The following CACNA2D1 variants were observed in gnomAD, a reference collection of about 807,000 sequenced individuals.
CACNA2D1 encodes calcium voltage-gated channel auxiliary subunit alpha2delta 1, also known as voltage-dependent calcium channel subunit alpha-2/delta-1.
A neutral mutation model predicts 171.5 loss-of-function variants in CACNA2D1; 53 were observed. That is an observed-to-expected ratio of 0.31 (90% CI 0.25 to 0.39). The LOEUF is 0.39. Ranked by LOEUF, CACNA2D1 falls within the 10% of genes least tolerant of loss-of-function variation. CACNA2D1 has a pLI of 1.00. For missense variants in CACNA2D1, 903 were observed against 1,299.8 expected, an observed-to-expected ratio of 0.69 and a Z score of 4.69; for synonymous variants, 442 against 443.1, an observed-to-expected ratio of 1.00 and a Z score of 0.03.
intron 21 of CACNA2D1, among the ~76,000 whole-genome samples, chr7:81,988,566 G>T (rs1017540037): frequency 1.3e-5 from 2 of 152,064 alleles, no homozygotes; most frequent in African/African-American, 4.8e-5. Context: ...TTTATTAGGA[G>T]AGAAATAGTT....
At chr7:82,220,521 T>C (rs371277257) in intron 3 of CACNA2D1, among the ~76,000 whole-genome samples, 7 of 152,322 alleles carry the variant, frequency 4.6e-5, no homozygotes, top group African/African-American at 1.7e-4. Flanking sequence ...TTATAGCTAG[T>C]ATTATTTACT....
chr7:82,075,995 TC>T (rs1808920922), intron 7 of CACNA2D1, among the ~76,000 whole-genome samples: 2 of 152,150 alleles, frequency 1.3e-5, no homozygotes, highest in Non-Finnish European at 2.9e-5. Context: ...TACAAATGGC[TC>T]TCATTTTCAT....
chr7:82,198,769 A>G (rs903750074), intron 3 of CACNA2D1, among the ~76,000 whole-genome samples: 1 of 151,604 alleles, frequency 6.6e-6, no homozygotes, highest in Non-Finnish European at 1.5e-5. Context: ...TTAATCCTCT[A>G]CTCTATTAAT....
chr7:82,048,961 T>C (rs1804867098), intron 10 of CACNA2D1, among the ~76,000 whole-genome samples: 1 of 152,050 alleles, frequency 6.6e-6, no homozygotes, highest in African/African-American at 2.4e-5. Flanking sequence ...TCACCCTGAA[T>C]ATTACTTTGC....
intron 12 of CACNA2D1, among the ~76,000 whole-genome samples, chr7:82,023,163 T>G (rs1028708118): frequency 1.3e-5 from 2 of 151,826 alleles, no homozygotes; most frequent in Admixed American, 6.6e-5. Flanking sequence ...TCATTTTAGT[T>G]TTGGCACTAT....
At chr7:81,992,955 C>A (rs1163507374) in intron 20 of CACNA2D1, among the ~76,000 whole-genome samples, 3 of 152,174 alleles carry the variant, frequency 2.0e-5, no homozygotes, top group Admixed American at 1.3e-4. Context: ...ATAATAAATA[C>A]AAACTATTTT....
chr7:82,284,132 T>C (rs1248776409), intron 3 of CACNA2D1, among the ~76,000 whole-genome samples: 1 of 150,144 alleles, frequency 6.7e-6, no homozygotes, highest in Non-Finnish European at 1.5e-5. Flanking sequence ...AGGTGGAGGC[T>C]CTACTGTGCT....
chr7:82,138,455 T>G (rs1451987390), intron 4 of CACNA2D1, among the ~76,000 whole-genome samples: 16 of 136,282 alleles, frequency 1.2e-4, no homozygotes, highest in Middle Eastern at 4.4e-3. Context: ...TTTTGTTTTT[T>G]TTTTTTTTTG....
chr7:82,367,165 C>T (rs897220849), intron 1 of CACNA2D1, among the ~76,000 whole-genome samples: 1 of 151,966 alleles, frequency 6.6e-6, no homozygotes, highest in Non-Finnish European at 1.5e-5. Flanking sequence ...CCACCTCAGC[C>T]TCCCAAAGGG....
Position 81,950,118 on chromosome 7 carries a change from C to G in CACNA2D1, c.*274G>C, listed in dbSNP as rs1792349287. On this transcript the variant is annotated 3_prime_UTR_variant, in exon 39 of 39. Transcript: ENST00000356860. Reference sequence around the variant, plus strand: ...CATGTAATCACCAACAATGCAACAACAAACTCCCAAATTTTCCAATAGAGG... The same window carrying G: ...CATGTAATCACCAACAATGCAACAAGAAACTCCCAAATTTTCCAATAGAGG... 3 of 463,914 alleles carry G rather than the reference C, an allele frequency of 6.5e-6. No individual in the cohort carries two copies. The South Asian group carries it at 9.6e-5, about 15-fold the overall frequency. The allele number at this position is 463,914 out of a possible 1,614,324, so 28.7% of individuals were successfully genotyped here.
rs1488008503 is a variant in CACNA2D1, at chr7:81,948,549, A to G, written c.*1843T>C. The G allele has an allele frequency of 6.6e-6, 1 of 151,886 alleles. No homozygotes were observed. Among genetic ancestry groups the G allele is most frequent in the Non-Finnish European group, 1.5e-5 (1 of 67,814 alleles). 9.4% of individuals were successfully genotyped at this position (151,886 alleles called of 1,614,324 possible). On this transcript the variant is annotated 3_prime_UTR_variant, in exon 39 of 39. Transcript: ENST00000356860. Reference sequence around the variant, plus strand: ...ATTACAAATGTATGCAAAGCTAAAAACAAAACAAATGTTATCTTTTAAGCT... The same window carrying G: ...ATTACAAATGTATGCAAAGCTAAAAGCAAAACAAATGTTATCTTTTAAGCT...
intron 7 of CACNA2D1, among the ~76,000 whole-genome samples, chr7:82,081,497 T>C (rs1435143919): frequency 6.6e-6 from 1 of 152,162 alleles, no homozygotes; most frequent in Non-Finnish European, 1.5e-5. Context: ...TCCATTCAAG[T>C]GTATTCCCTA....
chr7:82,191,475 T>A (rs2129185730), intron 3 of CACNA2D1, among the ~76,000 whole-genome samples: 1 of 151,872 alleles, frequency 6.6e-6, no homozygotes, highest in South Asian at 2.1e-4. Context: ...GTCTCACACT[T>A]CTCTAAACCT....
chr7:82,018,422 C>A (rs1007481392), intron 12 of CACNA2D1, among the ~76,000 whole-genome samples: 10 of 152,066 alleles, frequency 6.6e-5, no homozygotes, highest in South Asian at 2.1e-4. Flanking sequence ...AGAGCAGGAC[C>A]AAAACTGGGC....
At chr7:82,317,948 C>T (rs888294739) in intron 3 of CACNA2D1, among the ~76,000 whole-genome samples, 1 of 151,464 alleles carries the variant, frequency 6.6e-6, no homozygotes, top group Non-Finnish European at 1.5e-5. Flanking sequence ...ATCAACTCAG[C>T]TGACCTCCAT....
At chr7:82,327,273 C>T (rs553194682) in intron 3 of CACNA2D1, among the ~76,000 whole-genome samples, 1 of 152,340 alleles carries the variant, frequency 6.6e-6, no homozygotes, top group African/African-American at 2.4e-5. Flanking sequence ...TCTTATCCCC[C>T]TTGCAGCCAA....
intron 3 of CACNA2D1, among the ~76,000 whole-genome samples, chr7:82,271,331 T>C (rs1808611481): frequency 6.6e-6 from 1 of 152,130 alleles, no homozygotes; most frequent in African/African-American, 2.4e-5. Flanking sequence ...TCATTTTTAC[T>C]CTTATTTCTC....
At chr7:82,279,508 C>A (rs1809797321) in intron 3 of CACNA2D1, among the ~76,000 whole-genome samples, 1 of 152,154 alleles carries the variant, frequency 6.6e-6, no homozygotes, top group Non-Finnish European at 1.5e-5. Flanking sequence ...TAGGGCATTT[C>A]TTCATCATCG....
chr7:82,426,181 ACATAAATTC>A (rs1829168278), intron 1 of CACNA2D1, among the ~76,000 whole-genome samples: 1 of 61,412 alleles, frequency 1.6e-5, no homozygotes, highest in Non-Finnish European at 2.7e-5. Context: ...ATAAATAAAT[ACATAAATTC>A]TATTTGGTTT....
Sources: gnomAD v4.1 joint callset for allele counts (sites outside exome capture counted in the v4.1 genomes callset) on GRCh38, gnomAD v4.1.1 for gene constraint, MANE v1.5 for transcripts, NCBI Gene and HGNC (gene_info 2026-07-23, HGNC 2026-07-21) for gene names.